RAB27B: variants seen among roughly 807,000 people sequenced by gnomAD.
The protein encoded by RAB27B is ras-related protein Rab-27B.
Under a neutral mutation model 24.6 loss-of-function variants are expected in RAB27B, and 15 were observed. The ratio of observed to expected loss-of-function variants is 0.61; its 90% CI spans 0.41 to 0.94. The LOEUF (loss-of-function observed/expected upper bound fraction) is 0.94, where lower values mean the gene tolerates loss of function less well. RAB27B is among the 40% of genes least tolerant of loss of function. RAB27B has a pLI of 0.00. For synonymous variants in RAB27B, 105 were observed against 92.5 expected, an observed-to-expected ratio of 1.14 and a Z score of -0.78; for missense variants, 261 against 266.8, an observed-to-expected ratio of 0.98 and a Z score of 0.15.
At chr18:54,872,034 C>T (rs1222578374) in intron 1 of RAB27B, among the ~76,000 whole-genome samples, 1 of 152,046 alleles carries the variant, frequency 6.6e-6, no homozygotes, top group Non-Finnish European at 1.5e-5. Flanking sequence ...TAGCATTTGC[C>T]AAGCTCCCCA....
At position 54,877,718 on chromosome 18, in the gene RAB27B, G is replaced by A. The variant is rs1445586376; in HGVS notation, c.133G>A (p.Asp45Asn). Reference sequence around the variant, plus strand: ...CAAATTCATCACTACAGTAGGAATAGACTTTCGGGAAAAACGTGTGGTGAG... The same window carrying A: ...CAAATTCATCACTACAGTAGGAATAAACTTTCGGGAAAAACGTGTGGTGAG... Reference protein sequence around the residue: ...NPKFITTVGIDFREKRVVYNA... With the variant: ...NPKFITTVGINFREKRVVYNA... Residue 45 changes from aspartate to asparagine, a missense_variant, in exon 2 of 6, where the codon GAC becomes AAC. Asp to Asn is a conservative substitution (Grantham distance 23, BLOSUM62 1). Transcript: ENST00000262094. 1.3e-6 allele frequency: 2 copies of A among 1,583,900 alleles called. No individual in the cohort carries two copies. Among genetic ancestry groups the A allele is most frequent in the Non-Finnish European group, 1.7e-6 (2 of 1,171,162 alleles).
chr18:54,777,043 C>CAA (rs11412442), intron 2 of RAB27B, among the ~76,000 whole-genome samples: 1 of 150,074 alleles, frequency 6.7e-6, no homozygotes, highest in Admixed American at 6.6e-5. Context: ...GTCTTGGTCT[C>CAA]AAAAAAAAAT....
intron 2 of RAB27B, among the ~76,000 whole-genome samples, chr18:54,719,910 CAT>C (rs939473968): frequency 1.6e-4 from 25 of 152,146 alleles, no homozygotes; most frequent in Admixed American, 7.8e-4. Context: ...CATCATTACA[CAT>C]GTCTTGTTAA....
chr18:54,860,187 C>T lies in RAB27B; in HGVS notation c.-19-17380C>T, dbSNP rs73956715. 5.5e-3 allele frequency among the ~76,000 whole-genome samples: 833 copies of T among 152,258 alleles called. 12 individuals carry two copies. Among genetic ancestry groups the T allele is most frequent in the African/African-American group, 0.02 (819 of 41,542 alleles). ...GGCAGGGAGCCAGGTATGTTACATA[C>T]TCGCGACTGCAGATAAACATCCTAA... On this transcript the variant is annotated intron_variant, in intron 1 of 5. Transcript: ENST00000262094.
chr18:54,794,892 A>G (rs1227392332), intron 2 of RAB27B, among the ~76,000 whole-genome samples: 1 of 151,150 alleles, frequency 6.6e-6, no homozygotes, highest in Non-Finnish European at 1.5e-5. Flanking sequence ...GCACAAATGA[A>G]GTTGTCCTCT....
intron 1 of RAB27B, among the ~76,000 whole-genome samples, chr18:54,857,623 C>G (rs372203814): frequency 4.4e-4 from 67 of 152,274 alleles, no homozygotes; most frequent in African/African-American, 1.5e-3. Context: ...TGTGCATGCA[C>G]GAGCTTAATG....
chr18:54,773,892 C>T (rs1908633389), intron 2 of RAB27B, among the ~76,000 whole-genome samples: 1 of 152,118 alleles, frequency 6.6e-6, no homozygotes, highest in African/African-American at 2.4e-5. Flanking sequence ...CAAGGCCAGG[C>T]TGGTCTTGGA....
intron 5 of RAB27B, 131 bp from the exon 6 acceptor site, chr18:54,889,093 A>G: frequency 1.2e-6 from 1 of 853,342 alleles, no homozygotes; most frequent in Non-Finnish European, 1.7e-6. Flanking sequence ...TTTCCAACTT[A>G]GCCAGCAAAA....
intron 2 of RAB27B, among the ~76,000 whole-genome samples, chr18:54,790,099 C>T (rs1909203013): frequency 6.6e-6 from 1 of 151,982 alleles, no homozygotes; most frequent in African/African-American, 2.4e-5. Context: ...GAAACCTGGT[C>T]ATTCCATTGT....
intron 2 of RAB27B, among the ~76,000 whole-genome samples, chr18:54,769,991 CTGAG>C (rs1490381432): frequency 1.3e-5 from 2 of 152,180 alleles, no homozygotes; most frequent in Non-Finnish European, 2.9e-5. Context: ...CCTCAGCCTC[CTGAG>C]TAACTGGGAT....
intron 2 of RAB27B, among the ~76,000 whole-genome samples, chr18:54,768,864 C>A (rs917612920): frequency 1.3e-5 from 2 of 152,106 alleles, no homozygotes; most frequent in African/African-American, 4.8e-5. Flanking sequence ...GAAACTGCCC[C>A]CATGATCCAA....
chr18:54,809,242 G>A (rs1292345925), intron 2 of RAB27B, among the ~76,000 whole-genome samples: 2 of 152,168 alleles, frequency 1.3e-5, no homozygotes, highest in Non-Finnish European at 2.9e-5. Context: ...AGTGGTACGT[G>A]ACTACAAATA....
intron 1 of RAB27B, among the ~76,000 whole-genome samples, chr18:54,876,363 A>AT (rs1276302123): frequency 8.5e-5 from 13 of 152,188 alleles, no homozygotes; most frequent in African/African-American, 3.1e-4. Flanking sequence ...TGTTGTTGAA[A>AT]TTTAATTTTG....
intron 2 of RAB27B, among the ~76,000 whole-genome samples, chr18:54,796,185 C>T (rs1486253325): frequency 6.6e-6 from 1 of 152,140 alleles, no homozygotes; most frequent in African/African-American, 2.4e-5. Flanking sequence ...TGCAGAAGGG[C>T]AGGTACAGAA....
At chr18:54,728,773 G>A (rs1465884474) in intron 2 of RAB27B, among the ~76,000 whole-genome samples, 1 of 148,472 alleles carries the variant, frequency 6.7e-6, no homozygotes, top group Non-Finnish European at 1.5e-5. Context: ...CTACTTGAGA[G>A]TCTTAGGCAG....
At chr18:54,789,896 C>A (rs1256431317) in intron 2 of RAB27B, among the ~76,000 whole-genome samples, 1 of 152,042 alleles carries the variant, frequency 6.6e-6, no homozygotes, top group Non-Finnish European at 1.5e-5. Flanking sequence ...TTGCTTTTAC[C>A]TTTGAGCAGT....
intron 2 of RAB27B, among the ~76,000 whole-genome samples, chr18:54,785,183 C>G (rs528970666): frequency 6.6e-6 from 1 of 151,988 alleles, no homozygotes; most frequent in African/African-American, 2.4e-5. Flanking sequence ...CTCACTGCAA[C>G]CTTCGCCTCC....
intron 2 of RAB27B, among the ~76,000 whole-genome samples, chr18:54,781,691 T>C (rs536365275): frequency 4.2e-4 from 64 of 152,302 alleles, no homozygotes; most frequent in African/African-American, 1.3e-3. Flanking sequence ...ACAGGCACCA[T>C]GTTACTACAT....
At chr18:54,787,920 C>G (rs933062203) in intron 2 of RAB27B, among the ~76,000 whole-genome samples, 4 of 152,144 alleles carry the variant, frequency 2.6e-5, no homozygotes, top group African/African-American at 9.7e-5. Flanking sequence ...GTAAAAGATT[C>G]CACTCAAGGA....
Sources: gnomAD v4.1 joint callset for allele counts (sites outside exome capture counted in the v4.1 genomes callset) on GRCh38, gnomAD v4.1.1 for gene constraint, MANE v1.5 for transcripts, NCBI Gene and HGNC (gene_info 2026-07-23, HGNC 2026-07-21) for gene names.